The following MAP3K7CL variants were observed in gnomAD, a reference collection of about 807,000 sequenced individuals.
The protein encoded by MAP3K7CL is MAP3K7 C-terminal-like protein.
In MAP3K7CL, 16 loss-of-function variants were observed where a neutral mutation model predicts 18.6. The observed-to-expected ratio is 0.86, with a 90% CI of 0.58 to 1.31. The LOEUF (loss-of-function observed/expected upper bound fraction) is 1.31, where lower values mean the gene tolerates loss of function less well. Among genes scored for constraint, MAP3K7CL ranks in the 50% most tolerant of loss-of-function variants. The pLI is 0.00. For missense variants in MAP3K7CL, 163 were observed against 174.4 expected (o/e 0.93, Z 0.37); for synonymous variants, 65 against 66.8 (o/e 0.97, Z 0.13).
chr21:29,101,501 C>T (rs1229124098), intron 4 of MAP3K7CL, among the ~76,000 whole-genome samples: 7 of 152,308 alleles, frequency 4.6e-5, no homozygotes, highest in Middle Eastern at 3.4e-3. Flanking sequence ...GCTCCACCTC[C>T]CGGATTCAGC....
intron 3 of MAP3K7CL, among the ~76,000 whole-genome samples, chr21:29,151,326 A>G (rs1281250431): frequency 3.3e-5 from 5 of 151,714 alleles, no homozygotes; most frequent in Non-Finnish European, 7.4e-5. Flanking sequence ...GTGTGGTGGC[A>G]CACACCTATA....
upstream of MAP3K7CL, among the ~76,000 whole-genome samples, chr21:29,128,426 C>T (rs572434831): frequency 6.6e-6 from 1 of 152,176 alleles, no homozygotes; most frequent in African/African-American, 2.4e-5. Flanking sequence ...CCTCAGCCTC[C>T]CGAGTAGCTG....
chr21:29,169,534 C>A (rs2087772650), intron 4 of MAP3K7CL, among the ~76,000 whole-genome samples: 1 of 152,148 alleles, frequency 6.6e-6, no homozygotes, highest in Non-Finnish European at 1.5e-5. Flanking sequence ...TAAAATTCTC[C>A]CTATGATAAA....
intron 4 of MAP3K7CL, among the ~76,000 whole-genome samples, chr21:29,099,147 G>C (rs1253873423): frequency 2.6e-5 from 4 of 151,948 alleles, no homozygotes; most frequent in Non-Finnish European, 5.9e-5. Flanking sequence ...CTGGAGTTCA[G>C]TGGTGTAATC....
intron 3 of MAP3K7CL, among the ~76,000 whole-genome samples, chr21:29,159,706 G>C (rs2087494943): frequency 1.3e-5 from 2 of 152,100 alleles, no homozygotes; most frequent in South Asian, 4.1e-4. Context: ...TCAGGCCTGA[G>C]ATGCCCATGA....
intron 3 of MAP3K7CL, among the ~76,000 whole-genome samples, chr21:29,091,951 G>A (rs556399253): frequency 1.1e-4 from 17 of 152,198 alleles, no homozygotes; most frequent in Non-Finnish European, 2.5e-4. Context: ...AAGAAACTGA[G>A]CATGGGGAGG....
intron 3 of MAP3K7CL, among the ~76,000 whole-genome samples, chr21:29,157,176 C>T (rs2087427091): frequency 6.6e-6 from 1 of 152,094 alleles, no homozygotes; most frequent in Admixed American, 6.5e-5. Flanking sequence ...TCTAAGTGTA[C>T]AGTTTGGTAG....
intron 3 of MAP3K7CL, among the ~76,000 whole-genome samples, chr21:29,159,023 C>A (rs1376144770): frequency 6.8e-6 from 1 of 147,208 alleles, no homozygotes; most frequent in Non-Finnish European, 1.5e-5. Flanking sequence ...TGGGTTCAAG[C>A]GATTCTCCTG....
chr21:29,154,524 C>T (rs1046155573), intron 3 of MAP3K7CL, among the ~76,000 whole-genome samples: 1 of 152,072 alleles, frequency 6.6e-6, no homozygotes, highest in Non-Finnish European at 1.5e-5. Flanking sequence ...AGTCCAGAAA[C>T]TGATGTCACC....
upstream of MAP3K7CL, among the ~76,000 whole-genome samples, chr21:29,128,966 C>T (rs1238278428): frequency 1.3e-5 from 2 of 152,048 alleles, no homozygotes; most frequent in Non-Finnish European, 2.9e-5. Context: ...GTCTGTACAG[C>T]TTTATTGTTG....
chr21:29,142,547 A>C (rs2087033018), intron 2 of MAP3K7CL, among the ~76,000 whole-genome samples: 2 of 152,312 alleles, frequency 1.3e-5, no homozygotes, highest in Admixed American at 6.5e-5. Flanking sequence ...TCCCCACCTC[A>C]GAAGTTTAGC....
chr21:29,102,166 A>G (rs766998680), intron 4 of MAP3K7CL, among the ~76,000 whole-genome samples: 1 of 152,214 alleles, frequency 6.6e-6, no homozygotes, highest in Non-Finnish European at 1.5e-5. Context: ...GACAAAGATT[A>G]TCTCCTTCTT....
chr21:29,104,705 G>C lies in MAP3K7CL; in HGVS notation c.370+12124G>C, dbSNP rs546974575. Among the ~76,000 whole-genome samples, 508 of 152,254 alleles carry C rather than the reference G, an allele frequency of 3.3e-3. 1 individual carries two copies. Among genetic ancestry groups the C allele is most frequent in the Non-Finnish European group, 6.0e-3 (409 of 68,028 alleles). ...TGCCTGAATGGCAGAATGTGTGTGC[G>C]GTTGTCTCCAATTACAGCACTCCAG... On this transcript the variant is annotated intron_variant, in intron 4 of 6. Transcript: ENST00000286791.
intron 4 of MAP3K7CL, among the ~76,000 whole-genome samples, chr21:29,099,911 G>A (rs2086192788): frequency 6.6e-6 from 1 of 151,902 alleles, no homozygotes; most frequent in African/African-American, 2.4e-5. Context: ...GTGAAACCCC[G>A]TCTCTACTAA....
chr21:29,165,067 A>G (rs528352905), intron 4 of MAP3K7CL, among the ~76,000 whole-genome samples: 1 of 152,330 alleles, frequency 6.6e-6, no homozygotes, highest in South Asian at 2.1e-4. Flanking sequence ...ATTTAGAAAA[A>G]ATAAAATAAA....
At position 29,174,698 on chromosome 21, in the gene MAP3K7CL, C is replaced by T. The variant is rs753106103; in HGVS notation, c.249-14C>T. The stretch of plus-strand genomic sequence containing the variant: ...ATTCTGTGCTTCTTCCTGCCCTTTA[C>T]CCCGAATCTTCAGGAAGGAGCTCAT... On this transcript the variant is annotated splice_polypyrimidine_tract_variant and intron_variant, in intron 4 of 4. Coordinates refer to ENST00000399928, the MANE Select transcript of MAP3K7CL (RefSeq NM_001286620.2). 1.2e-6 allele frequency: 2 copies of T among 1,613,704 alleles called. No individual in the cohort carries two copies. Among genetic ancestry groups the T allele is most frequent in the Admixed American group, 1.7e-5 (1 of 60,008 alleles).
intron 4 of MAP3K7CL, among the ~76,000 whole-genome samples, chr21:29,169,013 G>A (rs1568974555): frequency 1.3e-5 from 2 of 152,162 alleles, no homozygotes; most frequent in Admixed American, 6.5e-5. Context: ...TCTTAATCAG[G>A]AAATTCTCCA....
intron 4 of MAP3K7CL, among the ~76,000 whole-genome samples, chr21:29,094,247 C>T (rs1022996491): frequency 7.2e-5 from 11 of 152,212 alleles, no homozygotes; most frequent in African/African-American, 2.4e-4. Context: ...AACAGCTTCC[C>T]GCAACAACAA....
At chr21:29,114,297 G>C (rs1036516559) in intron 4 of MAP3K7CL, among the ~76,000 whole-genome samples, 28 of 151,116 alleles carry the variant, frequency 1.9e-4, no homozygotes, top group African/African-American at 6.8e-4. Flanking sequence ...TCGAACTCTT[G>C]GTCAAAATTG....
Sources: allele counts gnomAD v4.1 joint callset (sites outside exome capture counted in the v4.1 genomes callset), GRCh38; gene constraint gnomAD v4.1.1; transcripts MANE v1.5; gene names NCBI Gene and HGNC (gene_info 2026-07-23, HGNC 2026-07-21).